The following CHCHD6 variants were observed in gnomAD, a reference collection of about 807,000 sequenced individuals.
CHCHD6 encodes coiled-coil-helix-coiled-coil-helix domain containing 6.
In CHCHD6, 28 loss-of-function variants were observed where a neutral mutation model predicts 32.3. That is an observed-to-expected ratio of 0.87 (90% CI 0.64 to 1.19). The LOEUF (loss-of-function observed/expected upper bound fraction) is 1.19, where lower values mean the gene tolerates loss of function less well. CHCHD6 is among the 50% of genes most tolerant of loss of function. The pLI is 0.00. For missense variants in CHCHD6, 333 were observed against 307.0 expected, an observed-to-expected ratio of 1.08 and a Z score of -0.63; for synonymous variants, 122 against 117.5, an observed-to-expected ratio of 1.04 and a Z score of -0.25.
rs1940968762 is a variant in CHCHD6, at chr3:126,839,025, GC to G, written c.412-13621del. ...TGCCTCAGCCACCTGAGTAGCTGGGGCTACAGGCATGCACCACTATGCCCAG... is the reference window on the plus strand; with the variant it reads ...TGCCTCAGCCACCTGAGTAGCTGGGGTACAGGCATGCACCACTATGCCCAG... On this transcript the variant is annotated intron_variant, in intron 4 of 7. Transcript: ENST00000290913. Among the ~76,000 whole-genome samples, 3 of 151,662 alleles carry G rather than the reference GC, an allele frequency of 2.0e-5. No homozygotes were observed. The South Asian group carries it at 6.3e-4, about 32-fold the overall frequency.
At position 126,945,149 on chromosome 3, in the gene CHCHD6, G is replaced by A. The variant is rs183015975; in HGVS notation, c.567-12267G>A. Among the ~76,000 whole-genome samples, 245 of 152,292 alleles carry A rather than the reference G, an allele frequency of 1.6e-3. 1 individual carries two copies. The highest frequency in any genetic ancestry group is 2.8e-3 in the Non-Finnish European group (191 of 68,024). ...AGGCCAGGTAGGAGGGAGGCTCAGG[G>A]CAGCAGAGCAGGCACGGGCGGCTCT... On this transcript the variant is annotated intron_variant, in intron 6 of 7. Coordinates refer to ENST00000290913, the MANE Select transcript of CHCHD6 (RefSeq NM_032343.3).
At chr3:126,866,930 T>C (rs1431587522) in intron 5 of CHCHD6, among the ~76,000 whole-genome samples, 1 of 152,200 alleles carries the variant, frequency 6.6e-6, no homozygotes, top group Non-Finnish European at 1.5e-5. Context: ...CTCAAAAATA[T>C]TATCTTCCAG....
At chr3:126,901,240 T>A (rs2077922854) in intron 5 of CHCHD6, among the ~76,000 whole-genome samples, 2 of 152,190 alleles carry the variant, frequency 1.3e-5, no homozygotes, top group African/African-American at 4.8e-5. Context: ...GTAGCCTACA[T>A]GGTCGGCTTC....
At chr3:126,778,435 T>C (rs779515441) in intron 4 of CHCHD6, among the ~76,000 whole-genome samples, 1 of 152,200 alleles carries the variant, frequency 6.6e-6, no homozygotes, top group African/African-American at 2.4e-5. Context: ...CACCAACGCT[T>C]GTCTTTTTGA....
Position 126,884,648 on chromosome 3 carries a change from C to T in CHCHD6, c.496-30032C>T, listed in dbSNP as rs190544445. Among the ~76,000 whole-genome samples, 7 of 152,160 alleles carry T rather than the reference C, an allele frequency of 4.6e-5. 1 individual carries two copies. In the South Asian group the frequency reaches 1.0e-3, roughly 23 times the overall value. Reference sequence around the variant, plus strand: ...TAGTAAAGAGGGTTCATGAAAGAGGCGGGTGTGGAAAAGGATGATTAGAAA... The same window carrying T: ...TAGTAAAGAGGGTTCATGAAAGAGGTGGGTGTGGAAAAGGATGATTAGAAA... On this transcript the variant is annotated intron_variant, in intron 5 of 7. Coordinates refer to ENST00000290913, the MANE Select transcript of CHCHD6 (RefSeq NM_032343.3).
rs918779522 is a variant in CHCHD6, at chr3:126,853,265, A to G, written c.495+535A>G. Among the ~76,000 whole-genome samples the G allele has an allele frequency of 5.3e-4, 80 of 151,938 alleles. 1 individual carries two copies. Among genetic ancestry groups the G allele is most frequent in the African/African-American group, 1.9e-3 (79 of 41,492 alleles). On this transcript the variant is annotated intron_variant, in intron 5 of 7. Coordinates refer to ENST00000290913, the MANE Select transcript of CHCHD6 (RefSeq NM_032343.3). ...TATCATCATGCCTTTAAAAAAAAAAAAAAAAAACCCCTACCACGACTCTTG... is the reference window on the plus strand; with the variant it reads ...TATCATCATGCCTTTAAAAAAAAAAGAAAAAAACCCCTACCACGACTCTTG...
intron 4 of CHCHD6, among the ~76,000 whole-genome samples, chr3:126,776,044 A>G (rs999378233): frequency 2.0e-5 from 3 of 152,228 alleles, no homozygotes; most frequent in Non-Finnish European, 2.9e-5. Context: ...GTGGAAGAAT[A>G]TGATGATCGG....
chr3:126,763,842 TA>T (rs1435732903), intron 4 of CHCHD6, among the ~76,000 whole-genome samples: 1 of 152,192 alleles, frequency 6.6e-6, no homozygotes, highest in Admixed American at 6.5e-5. Context: ...GTTTAACCAG[TA>T]AAGAGCTTTT....
intron 5 of CHCHD6, among the ~76,000 whole-genome samples, chr3:126,914,190 C>T (rs139704286): frequency 1.3e-5 from 2 of 152,314 alleles, no homozygotes; most frequent in African/African-American, 4.8e-5. Context: ...AGTCATTTCA[C>T]CTCTCCGGGA....
intron 4 of CHCHD6, among the ~76,000 whole-genome samples, chr3:126,831,170 C>T (rs1296856854): frequency 6.6e-6 from 1 of 152,140 alleles, no homozygotes; most frequent in African/African-American, 2.4e-5. Flanking sequence ...ACTACAGGTG[C>T]CCGCCACCAT....
intron 4 of CHCHD6, among the ~76,000 whole-genome samples, chr3:126,845,761 C>T (rs1263365194): frequency 6.6e-6 from 1 of 152,130 alleles, no homozygotes; most frequent in African/African-American, 2.4e-5. Context: ...CCATATCATG[C>T]TAGAAATGGA....
chr3:126,798,163 G>C (rs1467564806), intron 4 of CHCHD6, among the ~76,000 whole-genome samples: 1 of 152,092 alleles, frequency 6.6e-6, no homozygotes, highest in Non-Finnish European at 1.5e-5. Context: ...AGCGCAGCAG[G>C]GTGACAAGGC....
At chr3:126,913,655 T>A (rs891431878) in intron 5 of CHCHD6, among the ~76,000 whole-genome samples, 11 of 152,228 alleles carry the variant, frequency 7.2e-5, no homozygotes, top group African/African-American at 2.7e-4. Flanking sequence ...TTTCTGAAAC[T>A]GCTTCCTCAT....
intron 6 of CHCHD6, among the ~76,000 whole-genome samples, chr3:126,941,383 T>A (rs2078556544): frequency 6.6e-6 from 1 of 152,238 alleles, no homozygotes; most frequent in Admixed American, 6.5e-5. Context: ...TTAAACCTGT[T>A]TAAGACATAT....
intron 4 of CHCHD6, among the ~76,000 whole-genome samples, chr3:126,832,023 AT>A (rs1248156521): frequency 6.6e-6 from 1 of 152,180 alleles, no homozygotes; most frequent in Admixed American, 6.5e-5. Context: ...ACAGGTGTTG[AT>A]TAAAGAAGAG....
At chr3:126,860,228 A>G (rs1269171134) in intron 5 of CHCHD6, among the ~76,000 whole-genome samples, 6 of 152,178 alleles carry the variant, frequency 3.9e-5, no homozygotes, top group African/African-American at 1.4e-4. Context: ...CCTGAAAACA[A>G]TACAGCAGGA....
At chr3:126,738,511 C>T (rs570087065) in intron 4 of CHCHD6, among the ~76,000 whole-genome samples, 146 of 152,310 alleles carry the variant, frequency 9.6e-4, no homozygotes, top group Middle Eastern at 3.4e-3. Context: ...TCTTGTTCCT[C>T]AGATTATAAA....
intron 6 of CHCHD6, among the ~76,000 whole-genome samples, chr3:126,937,748 C>T (rs1287768427): frequency 6.6e-6 from 1 of 152,106 alleles, no homozygotes; most frequent in Non-Finnish European, 1.5e-5. Flanking sequence ...GGCTTTGTAT[C>T]CTCAGGCTGA....
At chr3:126,921,537 A>C (rs2078247002) in intron 6 of CHCHD6, among the ~76,000 whole-genome samples, 1 of 152,124 alleles carries the variant, frequency 6.6e-6, no homozygotes, top group Admixed American at 6.5e-5. Context: ...TTCATTCAGA[A>C]TCTGTCTTGG....
Sources: gnomAD v4.1 joint callset for allele counts (sites outside exome capture counted in the v4.1 genomes callset) on GRCh38, gnomAD v4.1.1 for gene constraint, MANE v1.5 for transcripts, NCBI Gene and HGNC (gene_info 2026-07-23, HGNC 2026-07-21) for gene names.